ADAM18: variants seen among roughly 807,000 people sequenced by gnomAD.
The protein encoded by ADAM18 is ADAM metallopeptidase domain 18, also known as disintegrin and metalloproteinase domain-containing protein 18.
Under a neutral mutation model 94.4 loss-of-function variants are expected in ADAM18, and 117 were observed. The ratio of observed to expected loss-of-function variants is 1.24; its 90% CI spans 1.07 to 1.45. The LOEUF is 1.45. Ranked by LOEUF, ADAM18 falls within the 40% of genes most tolerant of loss-of-function variation. ADAM18 has a pLI of 0.00. For missense variants in ADAM18, 936 were observed against 880.0 expected (o/e 1.06, Z -0.81); for synonymous variants, 327 against 291.6 (o/e 1.12, Z -1.24).
chr8:39,724,003 A>G, intron 19 of ADAM18, 96 bp downstream of exon 19: 1 of 769,080 alleles, frequency 1.3e-6, no homozygotes, highest in South Asian at 3.8e-5. Flanking sequence ...TTAATTCTTA[A>G]ATATACTATT....
At chr8:39,679,685 T>A (rs1243538645) in intron 15 of ADAM18, among the ~76,000 whole-genome samples, 2 of 152,166 alleles carry the variant, frequency 1.3e-5, no homozygotes, top group Non-Finnish European at 2.9e-5. Flanking sequence ...GCAAATTTTG[T>A]TTAATAAGTG....
rs532597313 is a variant in ADAM18, at chr8:39,620,611, TTATA to T, written c.523-8759_523-8756del. Among the ~76,000 whole-genome samples the T allele has an allele frequency of 4.2e-3, 613 of 146,952 alleles. 3 individuals are homozygous for T. The highest frequency in any genetic ancestry group is 0.011 in the Admixed American group (165 of 14,620). On this transcript the variant is annotated intron_variant, in intron 6 of 19. Coordinates refer to ENST00000265707, the MANE Select transcript of ADAM18 (RefSeq NM_014237.3). ...TATAATATATATATTATATAACAATTTATATATTAAAATATATATAACATATATT... is the reference window on the plus strand; with the variant it reads ...TATAATATATATATTATATAACAATTTATTAAAATATATATAACATATATT...
intron 17 of ADAM18, among the ~76,000 whole-genome samples, chr8:39,701,117 C>CAAAAAAAAAAAAAAAAAAAAAAAAAAAA (rs71237188): frequency 8.7e-5 from 3 of 34,552 alleles, no homozygotes; most frequent in African/African-American, 2.0e-4. Context: ...GACTCTGTCT[C>CAAAAAAAAAAAAAAAAAAAAAAAAAAAA]AAAAAAAAAA....
In ADAM18 at chr8:39,653,253, G is replaced by A. The variant is rs1314167280; in HGVS notation, c.1230+4726G>A. Among the ~76,000 whole-genome samples, 9 of 151,978 alleles carry A rather than the reference G, an allele frequency of 5.9e-5. No individual in the cohort carries two copies. In the South Asian group the frequency reaches 1.9e-3, roughly 32 times the overall value. Reference sequence around the variant, plus strand: ...ATGTATACATGTATCAAAACATCATGCTGTACATCATTAATACATAACATT... The same window carrying A: ...ATGTATACATGTATCAAAACATCATACTGTACATCATTAATACATAACATT... On this transcript the variant is annotated intron_variant, in intron 12 of 19. Coordinates refer to ENST00000265707, the MANE Select transcript of ADAM18 (RefSeq NM_014237.3).
chr8:39,653,041 T>G (rs979906733), intron 12 of ADAM18, among the ~76,000 whole-genome samples: 8 of 151,996 alleles, frequency 5.3e-5, no homozygotes, highest in African/African-American at 1.9e-4. Flanking sequence ...ACTGGGGTGA[T>G]GGTGGTCAAA....
intron 7 of ADAM18, among the ~76,000 whole-genome samples, chr8:39,635,021 A>G (rs1372790666): frequency 2.0e-5 from 3 of 152,138 alleles, no homozygotes; most frequent in East Asian, 3.9e-4. Context: ...AGAGGTGATT[A>G]GTGCACAAGA....
chr8:39,699,487 T>C (rs1260678663), intron 17 of ADAM18, among the ~76,000 whole-genome samples: 1 of 152,128 alleles, frequency 6.6e-6, no homozygotes, highest in Non-Finnish European at 1.5e-5. Context: ...CCCTCCTTAG[T>C]TTTGGTTTAT....
chr8:39,588,496 C>A (rs1411155542), intron 2 of ADAM18, among the ~76,000 whole-genome samples: 3 of 152,060 alleles, frequency 2.0e-5, no homozygotes, highest in Admixed American at 6.6e-5. Flanking sequence ...TCATATAGAT[C>A]ATTTGAAATA....
At chr8:39,690,793 T>C (rs866814165) in intron 16 of ADAM18, among the ~76,000 whole-genome samples, 35 of 152,170 alleles carry the variant, frequency 2.3e-4, no homozygotes, top group Admixed American at 9.8e-4. Context: ...TGAAAAGCAG[T>C]TTGGAGATTT....
intron 11 of ADAM18, among the ~76,000 whole-genome samples, chr8:39,647,734 G>C (rs930094568): frequency 6.6e-6 from 1 of 152,162 alleles, no homozygotes; most frequent in Non-Finnish European, 1.5e-5. Flanking sequence ...GAATGGCGAT[G>C]ACTTTTACCA....
chr8:39,639,482 CCTGA>C (rs1820176217), intron 10 of ADAM18, among the ~76,000 whole-genome samples: 1 of 151,900 alleles, frequency 6.6e-6, no homozygotes, highest in East Asian at 1.9e-4. Context: ...CATGAAGTTT[CCTGA>C]CTCTTCAAAT....
At chr8:39,713,957 T>G (rs1822496124) in intron 18 of ADAM18, among the ~76,000 whole-genome samples, 1 of 152,166 alleles carries the variant, frequency 6.6e-6, no homozygotes, top group Non-Finnish European at 1.5e-5. Context: ...CCCAAAGGAT[T>G]ATAAATCATG....
intron 6 of ADAM18, 40 bp from the exon 7 acceptor site, chr8:39,629,334 A>G (rs1435076406): frequency 6.9e-7 from 1 of 1,440,614 alleles, no homozygotes; most frequent in Non-Finnish European, 9.6e-7. Context: ...AATTCAATAC[A>G]TGTTAACATT....
chr8:39,646,025 T>C (rs1424017786), intron 11 of ADAM18, among the ~76,000 whole-genome samples: 2 of 152,142 alleles, frequency 1.3e-5, no homozygotes, highest in African/African-American at 4.8e-5. Flanking sequence ...GTAATATTCC[T>C]CTTACTTTTT....
rs563349581 is a variant in ADAM18, at chr8:39,649,477, C to G, written c.1230+950C>G. Among the ~76,000 whole-genome samples the G allele has an allele frequency of 3.9e-4, 60 of 152,202 alleles. No homozygotes were observed. The South Asian group carries it at 0.011, about 28-fold the overall frequency. On this transcript the variant is annotated intron_variant, in intron 12 of 19. Transcript: ENST00000265707. ...GTGCTCATCTTGCAGTCTCCTACCCCTAAATATGGTATCATTTACTGCCAA... is the reference window on the plus strand; with the variant it reads ...GTGCTCATCTTGCAGTCTCCTACCCGTAAATATGGTATCATTTACTGCCAA...
At position 39,603,259 on chromosome 8, in the gene ADAM18, T is replaced by C. The variant is rs568447189; in HGVS notation, c.133-3048T>C. 9.8e-5 allele frequency among the ~76,000 whole-genome samples: 15 copies of C among 152,356 alleles called. No individual in the cohort carries two copies. In the South Asian group the frequency reaches 3.1e-3, roughly 32 times the overall value. ...TGCCAATATCATTCTGTCTTGATTA[T>C]GATAGCTTTAGAGGAAAATCTTGAA... On this transcript the variant is annotated intron_variant, in intron 2 of 19. Coordinates refer to ENST00000265707, the MANE Select transcript of ADAM18 (RefSeq NM_014237.3).
At chr8:39,587,402 G>A (rs917639814) in intron 2 of ADAM18, among the ~76,000 whole-genome samples, 2 of 152,160 alleles carry the variant, frequency 1.3e-5, no homozygotes, top group Admixed American at 6.5e-5. Context: ...CAGACCCCTG[G>A]CAACCACTAT....
In ADAM18 at chr8:39,610,597, A is replaced by G. The variant is rs769431916; in HGVS notation, c.413A>G (p.His138Arg). 4.3e-6 allele frequency: 7 copies of G among 1,612,868 alleles called. No individual in the cohort carries two copies. In the East Asian group the frequency reaches 8.9e-5, roughly 21 times the overall value. The change falls in exon 6 of 20, where the codon CAT becomes CGT. Residue 138 changes from histidine to arginine, a missense_variant. Transcript: ENST00000265707. Reference sequence around the variant, plus strand: ...GTAGAATCTTCAGCAAGATTTGAGCATATAATTTATCAAATGAAAAATAAT... The same window carrying G: ...GTAGAATCTTCAGCAAGATTTGAGCGTATAATTTATCAAATGAAAAATAAT... ...EPVESSARFE[H>R]IIYQMKNNDP...
chr8:39,629,428 GA>G lies in ADAM18; in HGVS notation c.582del (p.Ala195LeufsTer10). ...ATATCTGGAAATATACATTATAGTG[GA>G]AAAAGCTTTGGTAAGTATGCTTTCA... ...PQYLEIYIIV[E>X]KALYDYMGSE... On this transcript the variant is annotated frameshift_variant, in exon 7 of 20. Coordinates refer to ENST00000265707, the MANE Select transcript of ADAM18 (RefSeq NM_014237.3). LOFTEE classifies it high-confidence loss of function. 2 of 1,578,072 alleles carry G rather than the reference GA, an allele frequency of 1.3e-6. No individual in the cohort carries two copies. Among genetic ancestry groups the G allele is most frequent in the African/African-American group, 1.4e-5 (1 of 72,760 alleles).
Sources: gnomAD v4.1 joint callset for allele counts (sites outside exome capture counted in the v4.1 genomes callset) on GRCh38, gnomAD v4.1.1 for gene constraint, MANE v1.5 for transcripts, NCBI Gene and HGNC (gene_info 2026-07-23, HGNC 2026-07-21) for gene names.